Variants in RERE observed in about 807,000 individuals in gnomAD.
RERE encodes the protein arginine-glutamic acid dipeptide repeats.
A neutral mutation model predicts 146.1 loss-of-function variants in RERE; 40 were observed. That is an observed-to-expected ratio of 0.27 (90% confidence interval 0.21 to 0.36). The LOEUF is 0.36. Ranked by LOEUF, RERE falls within the 10% of genes least tolerant of loss-of-function variation. The pLI is 1.00. For synonymous variants in RERE, 1,003 were observed against 866.0 expected (o/e 1.16, Z -2.78); for missense variants, 1,933 against 2,138.7 (o/e 0.90, Z 1.90).
At chr1:8,663,626 G>C (rs1638503935) in intron 1 of RERE, among the ~76,000 whole-genome samples, 1 of 152,132 alleles carries the variant, frequency 6.6e-6, no homozygotes, top group South Asian at 2.1e-4. Context: ...CAGCATATCT[G>C]ACGTCCCACC....
At chr1:8,404,134 T>TA (rs1643365053) in intron 12 of RERE, among the ~76,000 whole-genome samples, 1 of 152,062 alleles carries the variant, frequency 6.6e-6, no homozygotes, top group African/African-American at 2.4e-5. Flanking sequence ...CAGCTTTTTT[T>TA]TAAAAAAAAT....
At position 8,361,080 on chromosome 1, in the gene RERE, C is replaced by T; in HGVS notation, c.2427G>A (p.Gln809=). ...HIQQAPALHP[Q]RPPSPHPPPH... Reference sequence around the variant, plus strand: ...GCGGGGGATGCGGTGAGGGCGGCCGCTGGGGGTGCAAGGCCGGTGCCTGTT... The same window carrying T: ...GCGGGGGATGCGGTGAGGGCGGCCGTTGGGGGTGCAAGGCCGGTGCCTGTT... Residue 809 remains glutamine (Q), a synonymous_variant, in exon 18 of 23, where the codon CAG becomes CAA. Transcript: ENST00000400908. 6.9e-7 allele frequency: 1 copy of T among 1,438,876 alleles called. No homozygotes were observed. 89.1% of individuals were successfully genotyped at this position (1,438,876 alleles called of 1,614,324 possible). A position where few individuals can be genotyped will look rare whatever the true frequency, so the allele number is the denominator to read the frequency against.
At position 8,365,975 on chromosome 1, in the gene RERE, C is replaced by G; in HGVS notation, c.1285-1G>C. ...AGTAATAGAAGGTGATCAGCTCCCC[C>G]TGCAGAAGAGAAGGGCTGACTGTGG... On this transcript the variant is annotated splice_acceptor_variant, in intron 12 of 22. Transcript: ENST00000400908. LOFTEE classifies it high-confidence loss of function. 6.2e-7 allele frequency: 1 copy of G among 1,612,906 alleles called. No homozygotes were observed. Among genetic ancestry groups the G allele is most frequent in the Non-Finnish European group, 8.5e-7 (1 of 1,179,826 alleles).
At chr1:8,722,528 G>A (rs1039876436) in intron 1 of RERE, among the ~76,000 whole-genome samples, 2 of 152,146 alleles carry the variant, frequency 1.3e-5, no homozygotes, top group Admixed American at 6.5e-5. Context: ...GTTCAATAAA[G>A]CCACAGACTT....
intron 4 of RERE, among the ~76,000 whole-genome samples, chr1:8,602,465 A>G (rs1646645035): frequency 6.6e-6 from 1 of 151,260 alleles, no homozygotes; most frequent in Non-Finnish European, 1.5e-5. Flanking sequence ...ATATGCATGT[A>G]TATGTTTTAT....
rs144472654 is a variant in RERE at position 8,390,445 on chromosome 1, C to A, written c.1285-24471G>T. ...CCAGGGTAGGCTCTTCCCCTGCCCA[C>A]TAATCTATGTCCCATAGTCCGAACT... is the stretch of plus-strand genomic sequence containing the variant. On this transcript the variant is annotated intron_variant, in intron 12 of 22. Coordinates refer to ENST00000400908, the MANE Select transcript of RERE (RefSeq NM_001042681.2). Among the ~76,000 whole-genome samples, 1,054 of 152,310 alleles carry A rather than the reference C, an allele frequency of 6.9e-3. 10 individuals carry two copies. Among genetic ancestry groups the A allele is most frequent in the African/African-American group, 0.024 (1,001 of 41,562 alleles).
chr1:8,457,421 G>A (rs1644465092), intron 11 of RERE, among the ~76,000 whole-genome samples: 1 of 152,132 alleles, frequency 6.6e-6, no homozygotes, highest in Non-Finnish European at 1.5e-5. Context: ...TAAGGCAAGT[G>A]CAAAAACAAA....
intron 1 of RERE, among the ~76,000 whole-genome samples, chr1:8,678,936 C>G (rs1638904811): frequency 6.6e-6 from 1 of 152,118 alleles, no homozygotes; most frequent in African/African-American, 2.4e-5. Context: ...GTATAGTAGT[C>G]ACTATCTACA....
intron 12 of RERE, among the ~76,000 whole-genome samples, chr1:8,367,210 G>A (rs565030449): frequency 6.6e-6 from 1 of 152,306 alleles, no homozygotes; most frequent in East Asian, 1.9e-4. Flanking sequence ...GCTGCCACAT[G>A]ACAAACTCAC....
chr1:8,504,511 T>G (rs1418802205), intron 8 of RERE, among the ~76,000 whole-genome samples: 1 of 152,178 alleles, frequency 6.6e-6, no homozygotes, highest in Non-Finnish European at 1.5e-5. Flanking sequence ...GATGGCAGAA[T>G]TAGAATATCA....
chr1:8,509,078 C>T (rs527793712), intron 7 of RERE, among the ~76,000 whole-genome samples: 13 of 152,244 alleles, frequency 8.5e-5, no homozygotes, highest in African/African-American at 2.4e-4. Flanking sequence ...CCACGCCCGG[C>T]TAATTTTTGT....
intron 2 of RERE, among the ~76,000 whole-genome samples, chr1:8,649,201 T>C (rs1647474509): frequency 6.6e-6 from 1 of 152,188 alleles, no homozygotes. Context: ...GACAGTCATC[T>C]CAAAACAGGA....
At chr1:8,395,085 T>C (rs956568429) in intron 12 of RERE, among the ~76,000 whole-genome samples, 2 of 152,174 alleles carry the variant, frequency 1.3e-5, no homozygotes, top group Admixed American at 6.5e-5. Context: ...AGATAAGGTG[T>C]CTAGTATTTC....
In RERE at chr1:8,356,299, T is replaced by C; in HGVS notation, c.4340-53A>G. On this transcript the variant is annotated intron_variant, in intron 20 of 22. Transcript: ENST00000400908. This position sits in a 1 kb window ranked among gnomAD's most constrained non-coding sequence, Gnocchi z 5.2. The stretch of plus-strand genomic sequence containing the variant: ...AGGCGGTGTGCAGCTCTTCAATGTT[T>C]GTCCCCCTTGGCTGGAATGACCGAT... 6.9e-7 allele frequency: 1 copy of C among 1,452,846 alleles called. No homozygotes were observed. Among genetic ancestry groups the C allele is most frequent in the Non-Finnish European group, 9.0e-7 (1 of 1,110,234 alleles). The allele number at this position is 1,452,846 out of a possible 1,614,324, so 90.0% of individuals were successfully genotyped here. A position where few individuals can be genotyped will look rare whatever the true frequency, so the allele number is the denominator to read the frequency against.
chr1:8,648,560 G>A (rs1024091956), intron 2 of RERE, among the ~76,000 whole-genome samples: 6 of 152,172 alleles, frequency 3.9e-5, no homozygotes, highest in Non-Finnish European at 8.8e-5. Flanking sequence ...ATAGGTTTTA[G>A]AAATAACGTA....
chr1:8,735,132 G>T (rs1054990219), intron 1 of RERE, among the ~76,000 whole-genome samples: 8 of 152,062 alleles, frequency 5.3e-5, no homozygotes, highest in Admixed American at 5.2e-4. Context: ...TTTATTGACA[G>T]TAAAATCTAT....
At chr1:8,372,141 A>C (rs748350314) in intron 12 of RERE, among the ~76,000 whole-genome samples, 12 of 152,296 alleles carry the variant, frequency 7.9e-5, no homozygotes, top group East Asian at 3.9e-4. Flanking sequence ...TTGAAGAAGA[A>C]GGCACTGGAA....
intron 2 of RERE, among the ~76,000 whole-genome samples, chr1:8,629,904 G>A (rs1000314452): frequency 4.6e-5 from 7 of 152,134 alleles, no homozygotes; most frequent in South Asian, 2.1e-4. Context: ...TAAAAAGCAC[G>A]CATGAACAAA....
At chr1:8,646,416 C>T (rs1276236325) in intron 2 of RERE, among the ~76,000 whole-genome samples, 1 of 151,944 alleles carries the variant, frequency 6.6e-6, no homozygotes, top group East Asian at 1.9e-4. Context: ...CCTGTAGTTC[C>T]AGCTACTTGA....
Sources: allele counts gnomAD v4.1 joint callset (sites outside exome capture counted in the v4.1 genomes callset), GRCh38; gene constraint gnomAD v4.1.1; non-coding constraint Gnocchi (gnomAD v3.1); transcripts MANE v1.5; gene names NCBI Gene and HGNC (gene_info 2026-07-23, HGNC 2026-07-21).